Variants in MELK observed in about 807,000 individuals in gnomAD.
The protein encoded by MELK is pEg3 kinase.
MELK carries 81 observed loss-of-function variants against 85.0 expected under a neutral mutation model. The observed-to-expected ratio is 0.95, with a 90% CI of 0.80 to 1.15. The LOEUF is 1.15. MELK is among the 50% of genes most tolerant of loss of function. The probability of loss-of-function intolerance (pLI) is 0.00; values close to 1 mark genes in which losing one functional copy is unlikely to be tolerated. For missense variants in MELK, 754 were observed against 777.5 expected, an observed-to-expected ratio of 0.97 and a Z score of 0.36; for synonymous variants, 252 against 265.0, an observed-to-expected ratio of 0.95 and a Z score of 0.48.
chr9:36,647,257 A>G (rs956116750), intron 11 of MELK, among the ~76,000 whole-genome samples: 19 of 152,212 alleles, frequency 1.2e-4, no homozygotes, highest in African/African-American at 4.3e-4. Flanking sequence ...ATGCCATGCC[A>G]TCATTGATAA....
chr9:36,677,216 A>T lies in MELK; in HGVS notation c.1835A>T (p.Glu612Val). 1.2e-6 allele frequency: 2 copies of T among 1,614,066 alleles called. No homozygotes were observed. The highest frequency in any genetic ancestry group is 2.2e-5 in the South Asian group (2 of 91,024). ...SDFGKVTMQF[E>V]LEVCQLQKPD... is the part of the protein sequence containing the mutation. ...TTTGGGAAAGTGACAATGCAATTTG[A>T]ATTAGAAGTGTGCCAGCTTCAAAAA... The change falls in exon 18 of 18, where the codon GAA becomes GTA. Residue 612 changes from glutamate to valine, a missense_variant. Physicochemically the swap from Glu to Val is moderately radical, Grantham distance 121. Coordinates refer to ENST00000298048, the MANE Select transcript of MELK (RefSeq NM_014791.4).
At chr9:36,589,325 A>G (rs1264418060) in intron 3 of MELK, among the ~76,000 whole-genome samples, 1 of 151,656 alleles carries the variant, frequency 6.6e-6, no homozygotes, top group Non-Finnish European at 1.5e-5. Flanking sequence ...ATTTTTTTGT[A>G]GTTTTAGTGA....
chr9:36,665,060 A>C (rs1412743236), intron 13 of MELK, among the ~76,000 whole-genome samples: 1 of 152,128 alleles, frequency 6.6e-6, no homozygotes, highest in Non-Finnish European at 1.5e-5. Context: ...TATGGAAAGC[A>C]TTTCTTAGTG....
chr9:36,667,223 T>G (rs1564229126), intron 14 of MELK, among the ~76,000 whole-genome samples: 1 of 151,948 alleles, frequency 6.6e-6, no homozygotes, highest in Non-Finnish European at 1.5e-5. Flanking sequence ...TGGTGCGATC[T>G]CGGCTCACTG....
At chr9:36,589,856 G>T (rs552100150) in intron 4 of MELK, among the ~76,000 whole-genome samples, 4 of 151,876 alleles carry the variant, frequency 2.6e-5, no homozygotes, top group African/African-American at 9.7e-5. Context: ...ACCCCTAATG[G>T]GGTAGTATGG....
At chr9:36,674,797 A>C in intron 16 of MELK, 37 bp from the exon 17 acceptor site, 1 of 1,300,318 alleles carries the variant, frequency 7.7e-7, no homozygotes, top group Non-Finnish European at 1.1e-6. Context: ...TGTTGATGTA[A>C]AAATTTACTT....
intron 8 of MELK, among the ~76,000 whole-genome samples, chr9:36,626,259 C>T (rs1291937736): frequency 5.3e-5 from 8 of 151,980 alleles, no homozygotes; most frequent in Non-Finnish European, 1.2e-4. Context: ...TTCTCAGGAC[C>T]CTTTTAGGAT....
chr9:36,581,075 T>C (rs141680887), intron 1 of MELK, among the ~76,000 whole-genome samples: 1 of 152,232 alleles, frequency 6.6e-6, no homozygotes, highest in Admixed American at 6.5e-5. Flanking sequence ...TGAGTTTTTC[T>C]TATTGTTTTG....
Position 36,583,657 on chromosome 9 carries a change from A to G in MELK, c.89A>G (p.His30Arg). The change falls in exon 3 of 18, where the codon CAT (histidine) becomes CGT (arginine). Residue 30 changes from histidine (H) to arginine (R), a missense_variant. Physicochemically the swap from His to Arg is conservative, Grantham distance 29. Transcript: ENST00000298048. ...GGFAKVKLAC[H>R]ILTGEMVAIK... The stretch of plus-strand genomic sequence containing the variant: ...TTTGCAAAGGTCAAACTTGCCTGCC[A>G]TATCCTTACTGGAGAGATGGTAGCT... 1 of 1,612,900 alleles carries G rather than the reference A, an allele frequency of 6.2e-7. No homozygotes were observed. The highest frequency in any genetic ancestry group is 8.5e-7 in the Non-Finnish European group (1 of 1,179,282).
intron 11 of MELK, among the ~76,000 whole-genome samples, chr9:36,647,495 T>A (rs1830318858): frequency 7.3e-6 from 1 of 136,766 alleles, no homozygotes; most frequent in African/African-American, 3.0e-5. Flanking sequence ...TCTTTCTTTC[T>A]TTTTTTTTTT....
chr9:36,589,687 G>A, intron 4 of MELK, 35 bp downstream of exon 4: 2 of 1,441,032 alleles, frequency 1.4e-6, no homozygotes, highest in Non-Finnish European at 1.9e-6. Context: ...GAAAACATTT[G>A]ATCACTTTAT....
intron 10 of MELK, among the ~76,000 whole-genome samples, chr9:36,639,393 C>T (rs1266432827): frequency 6.6e-6 from 1 of 152,090 alleles, no homozygotes; most frequent in African/African-American, 2.4e-5. Context: ...TTCAGATTTC[C>T]TTGAATATTT....
chr9:36,651,954 T>G, intron 12 of MELK, 77 bp downstream of exon 12: 5 of 1,341,276 alleles, frequency 3.7e-6, no homozygotes, highest in Non-Finnish European at 4.9e-6. Flanking sequence ...GAAGGTAAAC[T>G]TTCCGGTGTC....
chr9:36,638,449 C>G (rs1042542903), intron 10 of MELK, among the ~76,000 whole-genome samples: 3 of 152,016 alleles, frequency 2.0e-5, no homozygotes, highest in African/African-American at 7.3e-5. Flanking sequence ...CCACGCCCAG[C>G]TAATTTTGTA....
chr9:36,620,548 CTTTTT>C (rs747925440), intron 8 of MELK, among the ~76,000 whole-genome samples: 2 of 128,510 alleles, frequency 1.6e-5, no homozygotes, highest in African/African-American at 3.1e-5. Context: ...CATTCTCTTC[CTTTTT>C]TTTTTTTTTT....
At chr9:36,650,100 C>T (rs1022643473) in intron 11 of MELK, among the ~76,000 whole-genome samples, 5 of 151,882 alleles carry the variant, frequency 3.3e-5, no homozygotes, top group Admixed American at 1.3e-4. Flanking sequence ...CCCACTACCA[C>T]GCCCGGCTAA....
intron 8 of MELK, among the ~76,000 whole-genome samples, chr9:36,622,701 T>C (rs1724977745): frequency 6.6e-6 from 1 of 152,248 alleles, no homozygotes; most frequent in Non-Finnish European, 1.5e-5. Flanking sequence ...TTACAATTTA[T>C]AATTTTAAGG....
chr9:36,651,554 C>T (rs552775661), intron 11 of MELK, among the ~76,000 whole-genome samples, 192 bp from the exon 12 acceptor site: 1 of 152,158 alleles, frequency 6.6e-6, no homozygotes, highest in East Asian at 1.9e-4. Flanking sequence ...GAAAGTTGTT[C>T]CTTAGGGGGA....
chr9:36,642,723 C>T (rs540381425), intron 10 of MELK, among the ~76,000 whole-genome samples: 1 of 152,130 alleles, frequency 6.6e-6, no homozygotes, highest in South Asian at 2.1e-4. Flanking sequence ...ACTATTGTGC[C>T]CGGCATTGTA....
Sources: allele counts gnomAD v4.1 joint callset (sites outside exome capture counted in the v4.1 genomes callset), GRCh38; gene constraint gnomAD v4.1.1; transcripts MANE v1.5; gene names NCBI Gene and HGNC (gene_info 2026-07-23, HGNC 2026-07-21).